Variants in PTPRK observed in about 807,000 individuals in gnomAD.
The protein encoded by PTPRK is receptor-type tyrosine-protein phosphatase kappa.
In PTPRK, 75 loss-of-function variants were observed where a neutral mutation model predicts 178.0. The observed-to-expected ratio is 0.42, with a 90% CI of 0.35 to 0.51. The LOEUF (loss-of-function observed/expected upper bound fraction) is 0.51, where lower values mean the gene tolerates loss of function less well. Among genes scored for constraint, PTPRK ranks in the 20% least tolerant of loss-of-function variants. The pLI is 0.02. For synonymous variants in PTPRK, 637 were observed against 620.6 expected (o/e 1.03, Z -0.39); for missense variants, 1,441 against 1,797.8 (o/e 0.80, Z 3.59).
At chr6:128,343,509 AAAAAAAG>A (rs1483212194) in intron 2 of PTPRK, among the ~76,000 whole-genome samples, 5 of 151,710 alleles carry the variant, frequency 3.3e-5, no homozygotes, top group African/African-American at 1.2e-4. Flanking sequence ...TCAAAAAAAA[AAAAAAAG>A]AAAAGAAAAA....
intron 7 of PTPRK, among the ~76,000 whole-genome samples, chr6:128,165,867 G>A (rs1002682252): frequency 6.6e-6 from 1 of 151,520 alleles, no homozygotes; most frequent in African/African-American, 2.4e-5. Flanking sequence ...CAATAGTTAA[G>A]TGAAAGATGA....
chr6:128,071,792 C>A (rs1782873654), intron 11 of PTPRK, among the ~76,000 whole-genome samples: 1 of 152,008 alleles, frequency 6.6e-6, no homozygotes, highest in Admixed American at 6.6e-5. Context: ...AACAAAAAGT[C>A]ACACTAGTCC....
intron 3 of PTPRK, chr6:128,321,153 C>T (rs527264614): frequency 6.6e-6 from 1 of 152,098 alleles, no homozygotes; most frequent in African/African-American, 2.4e-5. Flanking sequence ...TTATATATTG[C>T]TTGCTGACCA....
rs1858908414 is a variant in PTPRK at position 128,520,567 on chromosome 6, T to C, written c.-209A>G. The C allele has an allele frequency of 3.6e-6, 2 of 558,314 alleles. No homozygotes were observed. The highest frequency in any genetic ancestry group is 6.2e-5 in the Admixed American group (2 of 32,376). 34.6% of individuals were successfully genotyped at this position (558,314 alleles called of 1,614,324 possible). A position where few individuals can be genotyped will look rare whatever the true frequency, so the allele number is the denominator to read the frequency against. ...GTCGCCGGCCGGCCGCGGCGGCAGC[T>C]CTCCATGCTCGGCGGAGGCTGCTCC... On this transcript the variant is annotated 5_prime_UTR_variant, in exon 1 of 30. Transcript: ENST00000368226.
At chr6:128,069,327 T>C (rs1023960787) in intron 11 of PTPRK, among the ~76,000 whole-genome samples, 4 of 152,286 alleles carry the variant, frequency 2.6e-5, no homozygotes, top group Admixed American at 6.5e-5. Flanking sequence ...TTTCAAATTA[T>C]ATGTGCTGCA....
chr6:128,039,402 A>G (rs570181679), intron 13 of PTPRK, among the ~76,000 whole-genome samples: 2 of 152,286 alleles, frequency 1.3e-5, no homozygotes, highest in East Asian at 1.9e-4. Context: ...ATGTTCATAA[A>G]TAAGTCTGAA....
At chr6:128,032,200 C>T (rs914822520) in intron 13 of PTPRK, among the ~76,000 whole-genome samples, 4 of 152,174 alleles carry the variant, frequency 2.6e-5, no homozygotes, top group African/African-American at 9.7e-5. Flanking sequence ...TTCAGATGCC[C>T]TTTGAGCCCT....
At chr6:128,192,874 G>GGGGAGGAGAGGGAGGAA (rs1804075357) in intron 6 of PTPRK, among the ~76,000 whole-genome samples, 1 of 147,270 alleles carries the variant, frequency 6.8e-6, no homozygotes, top group Non-Finnish European at 1.5e-5. Context: ...GAAGCGGGGA[G>GGGGAGGAGAGGGAGGAA]GGGAGGAGAG....
chr6:128,081,141 G>C (rs1291212725), intron 10 of PTPRK, among the ~76,000 whole-genome samples: 1 of 151,928 alleles, frequency 6.6e-6, no homozygotes. Context: ...TTATAGCACT[G>C]CTGCTAATTC....
intron 15 of PTPRK, 69 bp downstream of exon 15, chr6:128,005,015 G>C: frequency 7.5e-7 from 1 of 1,329,118 alleles, no homozygotes; most frequent in Non-Finnish European, 1.0e-6. Flanking sequence ...TTACTCAAAA[G>C]GTATCGTGTA....
intron 3 of PTPRK, among the ~76,000 whole-genome samples, chr6:128,248,649 GC>G: frequency 6.6e-6 from 1 of 152,214 alleles, no homozygotes; most frequent in East Asian, 1.9e-4. Flanking sequence ...GATCAGAAGT[GC>G]CCAAAGAAAG....
At chr6:128,166,591 T>C (rs957960859) in intron 7 of PTPRK, among the ~76,000 whole-genome samples, 1 of 151,784 alleles carries the variant, frequency 6.6e-6, no homozygotes, top group Non-Finnish European at 1.5e-5. Flanking sequence ...TAGTAATTGA[T>C]ACAGATTTTG....
At chr6:128,222,122 C>T (rs575191284) in intron 5 of PTPRK, among the ~76,000 whole-genome samples, 1 of 152,288 alleles carries the variant, frequency 6.6e-6, no homozygotes, top group South Asian at 2.1e-4. Context: ...GTACTGACTT[C>T]CAAATTCTCT....
In PTPRK at chr6:128,066,735, T is replaced by A. The variant is rs191258402; in HGVS notation, c.2157+784A>T. Among the ~76,000 whole-genome samples the A allele has an allele frequency of 7.8e-3, 1,155 of 147,578 alleles. 3 individuals carry two copies. Among genetic ancestry groups the A allele is most frequent in the Non-Finnish European group, 0.012 (819 of 67,416 alleles). On this transcript the variant is annotated intron_variant, in intron 12 of 29. Coordinates refer to ENST00000368226, the MANE Select transcript of PTPRK (RefSeq NM_002844.4). ...ATAAATAAATAAATAAATAAATAAA[T>A]AAAAATAAGTTTTAGGAAAGAAAAT...
At chr6:128,270,685 C>T (rs558708930) in intron 3 of PTPRK, among the ~76,000 whole-genome samples, 4 of 152,236 alleles carry the variant, frequency 2.6e-5, no homozygotes, top group East Asian at 3.9e-4. Context: ...ATGTACAATA[C>T]GCAGCATCCA....
Position 127,977,005 on chromosome 6 carries a change from T to C in PTPRK, c.3761A>G (p.Asn1254Ser). The part of the protein sequence containing the change: ...AFIVTQYPLP[N>S]TVKDFWRLVY... ...TAATCTCCAGAAGTCTTTTACAGTG[T>C]TTGGCAGAGGGTATTGTGTGACGAT... Residue 1254 changes from asparagine to serine, a missense_variant, in exon 26 of 30, where the codon AAC (asparagine) becomes AGC (serine). By Grantham distance (46) the Asn-to-Ser change is conservative. Transcript: ENST00000368226. 1 of 1,614,088 alleles carries C rather than the reference T, an allele frequency of 6.2e-7. No individual in the cohort carries two copies.
intron 3 of PTPRK, among the ~76,000 whole-genome samples, chr6:128,245,556 T>A (rs566141435): frequency 6.6e-6 from 1 of 152,312 alleles, no homozygotes; most frequent in Non-Finnish European, 1.5e-5. Context: ...ACTTCTTTTC[T>A]ACTCCAAGTT....
intron 13 of PTPRK, among the ~76,000 whole-genome samples, chr6:128,018,495 A>ATT (rs75812013): frequency 6.2e-5 from 9 of 144,952 alleles, no homozygotes; most frequent in East Asian, 4.0e-4. Context: ...GGTGGCCTTA[A>ATT]TTTTTTTTTT....
At chr6:128,414,377 T>C (rs1842617490) in intron 1 of PTPRK, among the ~76,000 whole-genome samples, 1 of 152,176 alleles carries the variant, frequency 6.6e-6, no homozygotes, top group Non-Finnish European at 1.5e-5. Flanking sequence ...CGGCAGTTCT[T>C]TCCCTGTTGC....
Sources: gnomAD v4.1 joint callset for allele counts (sites outside exome capture counted in the v4.1 genomes callset) on GRCh38, gnomAD v4.1.1 for gene constraint, MANE v1.5 for transcripts, NCBI Gene and HGNC (gene_info 2026-07-23, HGNC 2026-07-21) for gene names.